Variants in SPATA17 observed in about 807,000 individuals in gnomAD.
The protein encoded by SPATA17 is spermatogenesis associated 17, also known as spermatogenesis-associated protein 17.
Under a neutral mutation model 62.2 loss-of-function variants are expected in SPATA17, and 53 were observed. The observed-to-expected ratio is 0.85, with a 90% CI of 0.68 to 1.07. The LOEUF (loss-of-function observed/expected upper bound fraction) is 1.07, where lower values mean the gene tolerates loss of function less well. Ranked by LOEUF, SPATA17 falls within the 50% of genes least tolerant of loss-of-function variation. The pLI is 0.00. For missense variants in SPATA17, 466 were observed against 425.5 expected, an observed-to-expected ratio of 1.10 and a Z score of -0.84; for synonymous variants, 146 against 146.8, an observed-to-expected ratio of 0.99 and a Z score of 0.04.
At chr1:217,711,254 A>T (rs1213243098) in intron 5 of SPATA17, among the ~76,000 whole-genome samples, 2 of 152,224 alleles carry the variant, frequency 1.3e-5, no homozygotes, top group African/African-American at 4.8e-5. Flanking sequence ...TAATAAACAT[A>T]GTACCTTAAT....
chr1:217,712,083 C>T (rs1005141273), intron 5 of SPATA17, among the ~76,000 whole-genome samples: 27 of 150,350 alleles, frequency 1.8e-4, no homozygotes, highest in African/African-American at 6.1e-4. Context: ...ATTTTACATT[C>T]AGTGTACTGA....
At chr1:217,637,692 C>T (rs1445004081) in intron 1 of SPATA17, among the ~76,000 whole-genome samples, 2 of 152,096 alleles carry the variant, frequency 1.3e-5, no homozygotes, top group African/African-American at 4.8e-5. Flanking sequence ...GTCCTATTAG[C>T]CTAAATAAAT....
intron 7 of SPATA17, among the ~76,000 whole-genome samples, chr1:217,781,830 A>G (rs1673733660): frequency 6.6e-6 from 1 of 152,126 alleles, no homozygotes; most frequent in African/African-American, 2.4e-5. Flanking sequence ...AAGGGAGACA[A>G]TCCTTTTTTT....
At chr1:217,763,305 G>A (rs1203777445) in intron 6 of SPATA17, among the ~76,000 whole-genome samples, 3 of 152,142 alleles carry the variant, frequency 2.0e-5, no homozygotes, top group Non-Finnish European at 2.9e-5. Flanking sequence ...AATTTAGAAT[G>A]TGTGTGGGTC....
intron 5 of SPATA17, among the ~76,000 whole-genome samples, chr1:217,701,776 T>C (rs1413489111): frequency 2.0e-5 from 3 of 152,164 alleles, no homozygotes; most frequent in Non-Finnish European, 4.4e-5. Flanking sequence ...TCAACATCTA[T>C]TATTTTCTTT....
At chr1:217,636,025 C>T (rs1364265066) in intron 1 of SPATA17, among the ~76,000 whole-genome samples, 2 of 146,086 alleles carry the variant, frequency 1.4e-5, no homozygotes, top group Non-Finnish European at 3.0e-5. Flanking sequence ...CCCAGCTAAT[C>T]GGGAGGCTGA....
intron 5 of SPATA17, among the ~76,000 whole-genome samples, chr1:217,712,128 C>CTTTTTTTTTTTTTTTTTTT (rs551988828): frequency 9.7e-5 from 13 of 134,138 alleles, no homozygotes; most frequent in African/African-American, 2.6e-4. Context: ...ACAATATGTT[C>CTTTTTTTTTTTTTTTTTTT]TTTTGTTTTT....
At chr1:217,801,874 A>C (rs1181006916) in intron 9 of SPATA17, 24 bp downstream of exon 9, 2 of 1,583,156 alleles carry the variant, frequency 1.3e-6, no homozygotes, top group Admixed American at 1.9e-5. Context: ...ACATTTTAAA[A>C]AGTTATTCCT....
intron 9 of SPATA17, among the ~76,000 whole-genome samples, chr1:217,841,633 A>G (rs1167215264): frequency 6.6e-6 from 1 of 151,906 alleles, no homozygotes; most frequent in Non-Finnish European, 1.5e-5. Flanking sequence ...ACTAAAATGA[A>G]TCATTTTGTC....
In SPATA17 at chr1:217,801,711, C is replaced by A. The variant is rs1351029197; in HGVS notation, c.873-7C>A. 7 of 1,586,112 alleles carry A rather than the reference C, an allele frequency of 4.4e-6. No individual in the cohort carries two copies. Among genetic ancestry groups the A allele is most frequent in the South Asian group, 1.2e-5 (1 of 86,640 alleles). On this transcript the variant is annotated splice_region_variant and splice_polypyrimidine_tract_variant and intron_variant, in intron 8 of 10. Transcript: ENST00000366933. ...AGTTAAGAATAGCTCTTAAATATTT[C>A]TTTCAGGTTTTTGCCATTTTCTTCA...
intron 5 of SPATA17, among the ~76,000 whole-genome samples, chr1:217,686,384 AT>A (rs1436363579): frequency 6.6e-6 from 1 of 151,988 alleles, no homozygotes; most frequent in African/African-American, 2.4e-5. Flanking sequence ...AATATATCTA[AT>A]GTTATTTATG....
chr1:217,838,192 A>G (rs1371129938), intron 9 of SPATA17, among the ~76,000 whole-genome samples: 1 of 152,084 alleles, frequency 6.6e-6, no homozygotes, highest in Admixed American at 6.6e-5. Context: ...TGCGGCCCAC[A>G]TAGTATTTCT....
chr1:217,742,867 C>T (rs1473830959), intron 6 of SPATA17, among the ~76,000 whole-genome samples: 4 of 152,012 alleles, frequency 2.6e-5, no homozygotes, highest in Non-Finnish European at 4.4e-5. Flanking sequence ...AGTTGAATGT[C>T]TCCAGGTAGG....
At chr1:217,842,458 T>C (rs1675430760) in intron 9 of SPATA17, among the ~76,000 whole-genome samples, 2 of 152,024 alleles carry the variant, frequency 1.3e-5, no homozygotes, top group African/African-American at 4.8e-5. Flanking sequence ...TATTTATTAA[T>C]TCAGTTCTTT....
intron 5 of SPATA17, among the ~76,000 whole-genome samples, chr1:217,714,866 G>A (rs1264413599): frequency 6.6e-6 from 1 of 152,114 alleles, no homozygotes; most frequent in Non-Finnish European, 1.5e-5. Context: ...TAAAATGTCA[G>A]GACATAGGTA....
chr1:217,852,002 C>G (rs758422143), intron 9 of SPATA17, among the ~76,000 whole-genome samples: 4 of 152,120 alleles, frequency 2.6e-5, no homozygotes, highest in Non-Finnish European at 5.9e-5. Context: ...ACGGCCTCCC[C>G]TCCAGCTAAC....
At chr1:217,699,149 A>G (rs924523303) in intron 5 of SPATA17, among the ~76,000 whole-genome samples, 3 of 152,184 alleles carry the variant, frequency 2.0e-5, no homozygotes, top group Non-Finnish European at 1.5e-5. Context: ...GCTTTTATGA[A>G]TGAAGCTACT....
intron 4 of SPATA17, among the ~76,000 whole-genome samples, chr1:217,672,768 C>G (rs913978792): frequency 2.0e-5 from 3 of 152,098 alleles, no homozygotes; most frequent in African/African-American, 7.2e-5. Flanking sequence ...GAATTTATCA[C>G]TTTCCTTTTT....
chr1:217,796,221 G>A (rs1429509741), intron 8 of SPATA17, among the ~76,000 whole-genome samples: 1 of 152,100 alleles, frequency 6.6e-6, no homozygotes, highest in Non-Finnish European at 1.5e-5. Context: ...ATGCTATTTA[G>A]TTGCGGCCTT....
Sources: gnomAD v4.1 joint callset for allele counts (sites outside exome capture counted in the v4.1 genomes callset) on GRCh38, gnomAD v4.1.1 for gene constraint, MANE v1.5 for transcripts, NCBI Gene and HGNC (gene_info 2026-07-23, HGNC 2026-07-21) for gene names.